The following SCO1 variants were observed in gnomAD, a reference collection of about 807,000 sequenced individuals.
SCO1 encodes the protein synthesis of cytochrome C oxidase 1.
SCO1 carries 23 observed loss-of-function variants against 34.0 expected under a neutral mutation model. The observed-to-expected ratio is 0.68, with a 90% CI of 0.49 to 0.96. The LOEUF (loss-of-function observed/expected upper bound fraction) is 0.96. Ranked by LOEUF, SCO1 falls within the 40% of genes least tolerant of loss-of-function variation. SCO1 has a pLI of 0.00. For synonymous variants in SCO1, 161 were observed against 145.5 expected (o/e 1.11, Z -0.77); for missense variants, 404 against 381.6 (o/e 1.06, Z -0.49).
intron 1 of SCO1, 101 bp downstream of exon 1, chr17:10,697,134 G>C (rs1454345626): frequency 8.7e-7 from 1 of 1,150,004 alleles, no homozygotes; most frequent in Non-Finnish European, 1.2e-6. Context: ...CAACTTTAGG[G>C]GAGGCGGAGT....
chr17:10,674,055 A>G lies in SCO1; in HGVS notation c.*7064T>C, dbSNP rs1338085221. The G allele has an allele frequency of 6.6e-6, 1 of 151,996 alleles. No individual in the cohort carries two copies. The highest frequency in any genetic ancestry group is 6.6e-5 in the Admixed American group (1 of 15,248). The allele number at this position is 151,996 out of a possible 1,614,324, so 9.4% of individuals were successfully genotyped here. A position where few individuals can be genotyped will look rare whatever the true frequency, so the allele number is the denominator to read the frequency against. ...TTCCCTATTGGGTAAAAATTAATAG[A>G]CTCTGTGGTATTGGGGGTTGAGGAG... On this transcript the variant is annotated 3_prime_UTR_variant, in exon 6 of 6. Coordinates refer to ENST00000255390, the MANE Select transcript of SCO1 (RefSeq NM_004589.4).
chr17:10,688,922 C>T (rs954020458), intron 4 of SCO1, among the ~76,000 whole-genome samples: 1 of 141,348 alleles, frequency 7.1e-6, no homozygotes, highest in Non-Finnish European at 1.5e-5. Flanking sequence ...CGAGACCATC[C>T]CGGCTAAAAC....
intron 2 of SCO1, 34 bp from the exon 3 acceptor site, chr17:10,692,995 A>G (rs1320102603): frequency 1.9e-6 from 3 of 1,602,666 alleles, no homozygotes; most frequent in African/African-American, 1.3e-5. Flanking sequence ...ACACCAAAAA[A>G]AAAGTCAATT....
At chr17:10,691,989 G>T in intron 3 of SCO1, 25 bp from the exon 4 acceptor site, 3 of 1,479,116 alleles carry the variant, frequency 2.0e-6, no homozygotes, top group South Asian at 2.3e-5. Context: ...CAATTAGTCC[G>T]TATTCACACC....
At position 10,686,795 on chromosome 17, in the gene SCO1, C is replaced by T. The variant is rs764045986; in HGVS notation, c.703G>A (p.Asp235Asn). Residue 235 changes from aspartate to asparagine, a missense_variant, in exon 5 of 6, where the codon GAT becomes AAT. Transcript: ENST00000255390. ...ACTCTGTATGCTCTGGCCACTTGATCGACCTCTTCTCTCGTGCCAGTCAAG... is the reference window on the plus strand; with the variant it reads ...ACTCTGTATGCTCTGGCCACTTGATTGACCTCTTCTCTCGTGCCAGTCAAG... Reference protein sequence around the residue: ...VGLTGTREEVDQVARAYRVYY... With the variant: ...VGLTGTREEVNQVARAYRVYY... The T allele has an allele frequency of 8.7e-6, 14 of 1,613,886 alleles. No homozygotes were observed. The East Asian group carries it at 8.9e-5, about 10-fold the overall frequency.
intron 4 of SCO1, among the ~76,000 whole-genome samples, chr17:10,689,115 C>CAAAAA (rs556558488): frequency 0.46 from 30,908 of 67,170 alleles, 5,901 homozygotes; most frequent in East Asian, 0.5. Flanking sequence ...GACTCCGTCT[C>CAAAAA]AAAAAAAAAA....
At chr17:10,694,493 A>G (rs763207509) in intron 2 of SCO1, among the ~76,000 whole-genome samples, 16 of 152,190 alleles carry the variant, frequency 1.1e-4, no homozygotes, top group Non-Finnish European at 1.9e-4. Flanking sequence ...AACAGCAGCA[A>G]AATTATCAGC....
chr17:10,685,334 T>C (rs2074649239), intron 5 of SCO1, among the ~76,000 whole-genome samples: 2 of 152,002 alleles, frequency 1.3e-5, no homozygotes, highest in African/African-American at 4.8e-5. Context: ...CTAAGAAAAA[T>C]ACTGAAATAA....
chr17:10,686,893 C>T (rs763315733), intron 4 of SCO1, 51 bp from the exon 5 acceptor site: 3 of 1,173,372 alleles, frequency 2.6e-6, no homozygotes, highest in South Asian at 2.4e-5. Context: ...AGTAAAACAA[C>T]CATCTCTACT....
intron 1 of SCO1, 95 bp downstream of exon 1, chr17:10,697,140 G>T: frequency 8.4e-7 from 1 of 1,188,280 alleles, no homozygotes. Flanking sequence ...TAGGGGAGGC[G>T]GAGTAGTGTC....
Position 10,680,924 on chromosome 17 carries a change from TA to T in SCO1, c.*194del. ...CAGCTTCCTGGGAGACTTTGGGTTG[TA>T]ATCTTTACAGTTCCAAGAATCAATT... On this transcript the variant is annotated 3_prime_UTR_variant, in exon 6 of 6. Transcript: ENST00000255390. The T allele has an allele frequency of 1.5e-6, 1 of 662,882 alleles. No individual in the cohort carries two copies. Among genetic ancestry groups the T allele is most frequent in the Non-Finnish European group, 2.6e-6 (1 of 384,122 alleles). The allele number at this position is 662,882 out of a possible 1,614,324, so 41.1% of individuals were successfully genotyped here. A position where few individuals can be genotyped will look rare whatever the true frequency, so the allele number is the denominator to read the frequency against.
chr17:10,685,128 C>T (rs1156295026), intron 5 of SCO1, among the ~76,000 whole-genome samples: 1 of 152,184 alleles, frequency 6.6e-6, no homozygotes, highest in Non-Finnish European at 1.5e-5. Flanking sequence ...TCATAGTTGG[C>T]TGTTGAGACA....
At chr17:10,687,042 T>C (rs912324628) in intron 4 of SCO1, among the ~76,000 whole-genome samples, 200 bp from the exon 5 acceptor site, 5 of 152,196 alleles carry the variant, frequency 3.3e-5, no homozygotes, top group Admixed American at 2.6e-4. Context: ...AATATATAAG[T>C]CAAATCTTTT....
intron 2 of SCO1, among the ~76,000 whole-genome samples, chr17:10,693,567 A>G (rs150052407): frequency 7.9e-4 from 121 of 152,358 alleles, no homozygotes; most frequent in African/African-American, 2.8e-3. Flanking sequence ...ATAGATGTAC[A>G]TAAATATATC....
chr17:10,695,140 C>G (rs1016770795), intron 2 of SCO1, among the ~76,000 whole-genome samples: 12 of 152,224 alleles, frequency 7.9e-5, no homozygotes, highest in Admixed American at 2.0e-4. Flanking sequence ...TTCACCTCCC[C>G]CTCATCCACA....
intron 4 of SCO1, among the ~76,000 whole-genome samples, chr17:10,687,158 A>G (rs977392322): frequency 6.6e-6 from 1 of 152,206 alleles, no homozygotes; most frequent in Admixed American, 6.5e-5. Context: ...GATATACTAA[A>G]GCTTAAAATT....
At position 10,681,058 on chromosome 17, in the gene SCO1, T is replaced by C; in HGVS notation, c.*61A>G. The C allele has an allele frequency of 6.3e-7, 1 of 1,589,988 alleles. No homozygotes were observed. The highest frequency in any genetic ancestry group is 1.1e-5 in the South Asian group (1 of 90,602). ...ATATGTTTATATTTATATAGGCTCCTATGCGAGACAGTTTCCTTCCTCTTA... is the reference window on the plus strand; with the variant it reads ...ATATGTTTATATTTATATAGGCTCCCATGCGAGACAGTTTCCTTCCTCTTA... On this transcript the variant is annotated 3_prime_UTR_variant, in exon 6 of 6. Transcript: ENST00000255390.
chr17:10,695,234 T>C (rs1256728587), intron 2 of SCO1, among the ~76,000 whole-genome samples: 3 of 152,194 alleles, frequency 2.0e-5, no homozygotes, highest in Non-Finnish European at 2.9e-5. Context: ...GGACTTGCTT[T>C]TGCTCTCACA....
chr17:10,689,139 A>G lies in SCO1; in HGVS notation c.656-2297T>C, dbSNP rs1278030268. Among the ~76,000 whole-genome samples the G allele has an allele frequency of 4.0e-5, 6 of 151,070 alleles. No homozygotes were observed. In the East Asian group the frequency reaches 1.2e-3, roughly 29 times the overall value. ...TCAAAAAAAAAAAAAAAAAAAAGAA[A>G]GCAGTTCTGCAGATGGGAGATTGGG... On this transcript the variant is annotated intron_variant, in intron 4 of 5. Coordinates refer to ENST00000255390, the MANE Select transcript of SCO1 (RefSeq NM_004589.4).
Sources: gnomAD v4.1 joint callset for allele counts (sites outside exome capture counted in the v4.1 genomes callset) on GRCh38, gnomAD v4.1.1 for gene constraint, MANE v1.5 for transcripts, NCBI Gene and HGNC (gene_info 2026-07-23, HGNC 2026-07-21) for gene names.